The following GRM8 variants were observed in gnomAD, a reference collection of about 807,000 sequenced individuals.
GRM8 encodes the protein glutamate metabotropic receptor 8.
Under a neutral mutation model 87.2 loss-of-function variants are expected in GRM8, and 47 were observed. That is an observed-to-expected ratio of 0.54 (90% confidence interval 0.43 to 0.69). GRM8 has a LOEUF of 0.69. Among genes scored for constraint, GRM8 ranks in the 30% least tolerant of loss-of-function variants. The pLI is 0.00. For synonymous variants in GRM8, 396 were observed against 404.5 expected (o/e 0.98, Z 0.25); for missense variants, 1,019 against 1,139.2 (o/e 0.89, Z 1.52).
intron 2 of GRM8, among the ~76,000 whole-genome samples, chr7:127,131,098 G>A (rs1827662523): frequency 6.6e-6 from 1 of 152,194 alleles, no homozygotes; most frequent in Admixed American, 6.5e-5. Flanking sequence ...GAGTTGCATG[G>A]AGAAGCAAGT....
At chr7:126,749,291 A>G (rs1233206682) in intron 7 of GRM8, among the ~76,000 whole-genome samples, 1 of 152,048 alleles carries the variant, frequency 6.6e-6, no homozygotes, top group Non-Finnish European at 1.5e-5. Context: ...AAATAAAAAT[A>G]ATGAAATAAA....
At chr7:126,956,937 AAAAG>A in intron 3 of GRM8, among the ~76,000 whole-genome samples, 1 of 152,256 alleles carries the variant, frequency 6.6e-6, no homozygotes, top group East Asian at 1.9e-4. Context: ...CAGATGTAGA[AAAAG>A]AAAAATAATC....
At chr7:126,764,187 C>A (rs1817942359) in intron 7 of GRM8, among the ~76,000 whole-genome samples, 1 of 151,888 alleles carries the variant, frequency 6.6e-6, no homozygotes, top group African/African-American at 2.4e-5. Context: ...TCATGTTTAT[C>A]ACACTGGTTA....
At chr7:126,647,183 C>A (rs1486875053) in intron 7 of GRM8, among the ~76,000 whole-genome samples, 2 of 152,072 alleles carry the variant, frequency 1.3e-5, no homozygotes, top group African/African-American at 2.4e-5. Flanking sequence ...TTGAGCCCCA[C>A]AGCTTAAGGC....
chr7:127,145,526 A>G (rs1350762039), intron 2 of GRM8, among the ~76,000 whole-genome samples: 1 of 152,162 alleles, frequency 6.6e-6, no homozygotes, highest in African/African-American at 2.4e-5. Flanking sequence ...CATAACATCA[A>G]CTTTTCATAT....
At chr7:127,175,590 A>T (rs1420513513) in intron 2 of GRM8, among the ~76,000 whole-genome samples, 1 of 152,224 alleles carries the variant, frequency 6.6e-6, no homozygotes, top group Non-Finnish European at 1.5e-5. Flanking sequence ...AGAAGAAGCC[A>T]GAAGGAACAA....
intron 3 of GRM8, among the ~76,000 whole-genome samples, chr7:127,059,828 C>A (rs1410033579): frequency 6.6e-6 from 1 of 152,136 alleles, no homozygotes; most frequent in Non-Finnish European, 1.5e-5. Flanking sequence ...AACTGAAAAT[C>A]AAAGCCACTT....
At chr7:126,768,191 T>A (rs568438721) in intron 7 of GRM8, among the ~76,000 whole-genome samples, 1 of 151,926 alleles carries the variant, frequency 6.6e-6, no homozygotes, top group Middle Eastern at 3.2e-3. Flanking sequence ...TCAGCACTCA[T>A]TGCAGATTAC....
At chr7:127,187,383 G>A (rs1160178376) in intron 2 of GRM8, among the ~76,000 whole-genome samples, 1 of 151,570 alleles carries the variant, frequency 6.6e-6, no homozygotes, top group South Asian at 2.1e-4. Flanking sequence ...CTTTTTTAAA[G>A]AATTCTCATG....
At chr7:126,796,338 A>C (rs773383687) in intron 6 of GRM8, among the ~76,000 whole-genome samples, 1 of 152,066 alleles carries the variant, frequency 6.6e-6, no homozygotes, top group Non-Finnish European at 1.5e-5. Context: ...CTTCTGAAAA[A>C]AAAGTGAAAT....
At chr7:126,550,847 T>G (rs1304285065) in intron 8 of GRM8, among the ~76,000 whole-genome samples, 1 of 151,664 alleles carries the variant, frequency 6.6e-6, no homozygotes, top group African/African-American at 2.4e-5. Context: ...GGTGAATTAA[T>G]TAAAAAGAAA....
chr7:126,549,284 A>T (rs1792303471), intron 8 of GRM8, among the ~76,000 whole-genome samples: 1 of 152,266 alleles, frequency 6.6e-6, no homozygotes, highest in South Asian at 2.1e-4. Context: ...CTGAAGAAAC[A>T]TCTGTGCAAA....
rs529302100 is a variant in GRM8 at position 126,868,057 on chromosome 7, G to A, written c.1156+34485C>T. On this transcript the variant is annotated intron_variant, in intron 6 of 10. Coordinates refer to ENST00000339582, the MANE Select transcript of GRM8 (RefSeq NM_000845.3). ...CATAGAGCTTGGCTGGTACCCTCTG[G>A]GCCCCCAGCTCTCAGGCTGGTGGGT... Among the ~76,000 whole-genome samples, 5 of 152,234 alleles carry A rather than the reference G, an allele frequency of 3.3e-5. No homozygotes were observed. The South Asian group carries it at 6.2e-4, about 19-fold the overall frequency.
chr7:126,578,950 T>C (rs1482652502), intron 8 of GRM8, among the ~76,000 whole-genome samples: 4 of 152,180 alleles, frequency 2.6e-5, no homozygotes, highest in Non-Finnish European at 5.9e-5. Flanking sequence ...AGGAAATTTT[T>C]CACATTTAAC....
intron 6 of GRM8, among the ~76,000 whole-genome samples, chr7:126,857,242 C>A (rs553729091): frequency 2.6e-5 from 4 of 152,120 alleles, no homozygotes; most frequent in African/African-American, 4.8e-5. Context: ...AGGAGTCTGT[C>A]TAAGCTTTAT....
At chr7:126,615,763 C>G (rs1799423188) in intron 7 of GRM8, among the ~76,000 whole-genome samples, 1 of 152,010 alleles carries the variant, frequency 6.6e-6, no homozygotes, top group Admixed American at 6.6e-5. Context: ...CAACAAAGAT[C>G]AAAAGAGACA....
chr7:126,562,962 A>T (rs1442314308), intron 8 of GRM8, among the ~76,000 whole-genome samples: 1 of 152,202 alleles, frequency 6.6e-6, no homozygotes, highest in Non-Finnish European at 1.5e-5. Flanking sequence ...TGACCCAAAG[A>T]TTTACTAAAG....
At chr7:126,732,738 A>T (rs1813737514) in intron 7 of GRM8, among the ~76,000 whole-genome samples, 1 of 152,074 alleles carries the variant, frequency 6.6e-6, no homozygotes, top group East Asian at 1.9e-4. Context: ...ATCATTGTTA[A>T]ATTTTTTCAA....
intron 1 of GRM8, among the ~76,000 whole-genome samples, chr7:127,250,519 A>AGATAG (rs1411011797): frequency 6.6e-6 from 1 of 152,188 alleles, no homozygotes; most frequent in Non-Finnish European, 1.5e-5. Flanking sequence ...CCTTATTCAA[A>AGATAG]AGCAAGAATT....
Sources: allele counts gnomAD v4.1 joint callset (sites outside exome capture counted in the v4.1 genomes callset), GRCh38; gene constraint gnomAD v4.1.1; transcripts MANE v1.5; gene names NCBI Gene and HGNC (gene_info 2026-07-23, HGNC 2026-07-21).